The following AGAP1 variants were observed in gnomAD, a reference collection of about 807,000 sequenced individuals.
The protein encoded by AGAP1 is arf-GAP with GTPase, ANK repeat and PH domain-containing protein 1.
In AGAP1, 29 loss-of-function variants were observed where a neutral mutation model predicts 105.3. The observed-to-expected ratio is 0.28, with a 90% CI of 0.21 to 0.38. AGAP1 has a LOEUF of 0.38. Among genes scored for constraint, AGAP1 ranks in the 10% least tolerant of loss-of-function variants. AGAP1 has a pLI of 1.00. For synonymous variants in AGAP1, 509 were observed against 485.9 expected (o/e 1.05, Z -0.63); for missense variants, 998 against 1,165.1 (o/e 0.86, Z 2.09).
At chr2:235,528,925 C>T (rs1942948720) in intron 1 of AGAP1, among the ~76,000 whole-genome samples, 1 of 152,180 alleles carries the variant, frequency 6.6e-6, no homozygotes, top group South Asian at 2.1e-4. Flanking sequence ...ATCAGCTCAC[C>T]TCGGCTTCCC....
In AGAP1 at chr2:235,663,831, A is replaced by G. The variant is rs554076320; in HGVS notation, c.164-45348A>G. On this transcript the variant is annotated intron_variant, in intron 1 of 17. Coordinates refer to ENST00000304032, the MANE Select transcript of AGAP1 (RefSeq NM_001037131.3). This position sits in a 1 kb window ranked among gnomAD's most constrained non-coding sequence, Gnocchi z 5.4. ...CCATCGTACAGATGGCGATATTAGA[A>G]GAGTTCCCTCCCGTGAATCCTGTAG... Among the ~76,000 whole-genome samples, 1 of 152,338 alleles carries G rather than the reference A, an allele frequency of 6.6e-6. No individual in the cohort carries two copies. The highest frequency in any genetic ancestry group is 1.5e-5 in the Non-Finnish European group (1 of 68,040).
At chr2:235,499,916 G>A (rs1277952391) in intron 1 of AGAP1, among the ~76,000 whole-genome samples, 1 of 152,098 alleles carries the variant, frequency 6.6e-6, no homozygotes, top group East Asian at 1.9e-4. Context: ...CTTGCCAGAG[G>A]GTCCTTTCCA....
At chr2:235,628,745 A>G (rs1946724281) in intron 1 of AGAP1, among the ~76,000 whole-genome samples, 2 of 151,842 alleles carry the variant, frequency 1.3e-5, no homozygotes, top group Admixed American at 6.6e-5. Flanking sequence ...ACTGCACCCT[A>G]TTTGTAGTCT....
At chr2:236,088,569 G>C (rs2058985894) in intron 16 of AGAP1, among the ~76,000 whole-genome samples, 1 of 152,344 alleles carries the variant, frequency 6.6e-6, no homozygotes, top group East Asian at 1.9e-4. Context: ...TGACTCACAG[G>C]CTCCAGGCAG....
rs920030019 is a variant in AGAP1 at position 235,734,407 on chromosome 2, C to T, written c.311-6556C>T. 4.6e-5 allele frequency among the ~76,000 whole-genome samples: 7 copies of T among 152,056 alleles called. No homozygotes were observed. The highest frequency in any genetic ancestry group is 7.4e-5 in the Non-Finnish European group (5 of 68,018). On this transcript the variant is annotated intron_variant, in intron 3 of 17. Transcript: ENST00000304032. The surrounding 1 kb of genome is among the most constrained non-coding windows in gnomAD (Gnocchi z 5.3). Reference sequence around the variant, plus strand: ...TGCTGAAAGAACCGGGGTGGCCCCACTGCATCTTGATCAGACACTGCCATG... The same window carrying T: ...TGCTGAAAGAACCGGGGTGGCCCCATTGCATCTTGATCAGACACTGCCATG...
chr2:235,831,751 G>T (rs1959438519), intron 9 of AGAP1, among the ~76,000 whole-genome samples: 1 of 152,168 alleles, frequency 6.6e-6, no homozygotes, highest in African/African-American at 2.4e-5. Flanking sequence ...TTGCAATTAT[G>T]ATTAATGCTG....
chr2:235,852,402 G>A (rs145287104), intron 9 of AGAP1, among the ~76,000 whole-genome samples: 9 of 151,882 alleles, frequency 5.9e-5, no homozygotes, highest in Admixed American at 1.3e-4. Context: ...GGGTGGAAAG[G>A]GGGGGGAACC....
chr2:236,098,713 CT>C (rs769652071), intron 16 of AGAP1, among the ~76,000 whole-genome samples: 40 of 147,568 alleles, frequency 2.7e-4, no homozygotes, highest in Middle Eastern at 3.5e-3. Flanking sequence ...CCGCTTCCCG[CT>C]GCTGGGCTCA....
rs1167868467 is a variant in AGAP1 at position 236,061,691 on chromosome 2, C to T, written c.2114+12410C>T. Among the ~76,000 whole-genome samples, 2 of 151,968 alleles carry T rather than the reference C, an allele frequency of 1.3e-5. No homozygotes were observed. Among genetic ancestry groups the T allele is most frequent in the Admixed American group, 6.6e-5 (1 of 15,252 alleles). On this transcript the variant is annotated intron_variant, in intron 16 of 17. Coordinates refer to ENST00000304032, the MANE Select transcript of AGAP1 (RefSeq NM_001037131.3). The surrounding 1 kb of genome is among the most constrained non-coding windows in gnomAD (Gnocchi z 4.1). ...AAAGTAGATTCCTGCTTGCCAGGTG[C>T]AGGGGAGGGAGGGGCAGTGGCGTAT...
chr2:235,969,676 C>T (rs1281281131), intron 13 of AGAP1, among the ~76,000 whole-genome samples: 2 of 152,182 alleles, frequency 1.3e-5, no homozygotes, highest in African/African-American at 2.4e-5. Context: ...GAGCGGAGCA[C>T]GCAAACCCAC....
intron 6 of AGAP1, among the ~76,000 whole-genome samples, chr2:235,760,360 C>G (rs1183605462): frequency 1.3e-5 from 2 of 152,216 alleles, no homozygotes; most frequent in South Asian, 4.1e-4. Context: ...GCCTGGGCGA[C>G]AGAGCGAGAC....
chr2:236,065,324 G>A (rs947966915), intron 16 of AGAP1, among the ~76,000 whole-genome samples: 6 of 152,106 alleles, frequency 3.9e-5, no homozygotes, highest in African/African-American at 7.2e-5. Flanking sequence ...TCAGCTCCTC[G>A]GGCCCCTATT....
In AGAP1 at chr2:236,061,613, C is replaced by T. The variant is rs190736010; in HGVS notation, c.2114+12332C>T. 4.3e-4 allele frequency among the ~76,000 whole-genome samples: 65 copies of T among 152,188 alleles called. No homozygotes were observed. Among genetic ancestry groups the T allele is most frequent in the Admixed American group, 1.9e-3 (29 of 15,282 alleles). ...AGGAAGCAGGCACAGAAGGCCACACCGTGTACCATTCCATCTGTCTGATGG... is the reference window on the plus strand; with the variant it reads ...AGGAAGCAGGCACAGAAGGCCACACTGTGTACCATTCCATCTGTCTGATGG... On this transcript the variant is annotated intron_variant, in intron 16 of 17. Coordinates refer to ENST00000304032, the MANE Select transcript of AGAP1 (RefSeq NM_001037131.3). This position sits in a 1 kb window ranked among gnomAD's most constrained non-coding sequence, Gnocchi z 4.1.
rs988751226 is a variant in AGAP1, at chr2:236,101,749, G to A, written c.2115-18443G>A. 5.3e-5 allele frequency among the ~76,000 whole-genome samples: 8 copies of A among 152,332 alleles called. No individual in the cohort carries two copies. The East Asian group carries it at 1.2e-3, about 22-fold the overall frequency. On this transcript the variant is annotated intron_variant, in intron 16 of 17. Coordinates refer to ENST00000304032, the MANE Select transcript of AGAP1 (RefSeq NM_001037131.3). The surrounding 1 kb of genome is among the most constrained non-coding windows in gnomAD (Gnocchi z 4.9). ...TGATGGCGGCTGCACCAGCAGAGCC[G>A]CCGTGGGCTTCATGCCACGTTACGC...
At chr2:235,505,629 A>G (rs1941767330) in intron 1 of AGAP1, 1 of 152,086 alleles carries the variant, frequency 6.6e-6, no homozygotes, top group Non-Finnish European at 1.5e-5. Flanking sequence ...GGAGCCACTG[A>G]TACAGGTAGA....
At position 236,028,688 on chromosome 2, in the gene AGAP1, C is replaced by T. The variant is rs138034542; in HGVS notation, c.1646-7873C>T. Among the ~76,000 whole-genome samples the T allele has an allele frequency of 3.9e-4, 60 of 152,230 alleles. 2 individuals are homozygous for T. The East Asian group carries it at 0.011, about 28-fold the overall frequency. ...GTCTTTATCTTCCTTTCCAATCTCT[C>T]GGTCTTTCATTCCCTTATTTTTGAC... On this transcript the variant is annotated intron_variant, in intron 13 of 17. Coordinates refer to ENST00000304032, the MANE Select transcript of AGAP1 (RefSeq NM_001037131.3).
intron 9 of AGAP1, among the ~76,000 whole-genome samples, chr2:235,838,370 T>G (rs76809054): frequency 0.023 from 3,504 of 152,306 alleles, 120 homozygotes; most frequent in African/African-American, 0.08. Flanking sequence ...AAAGTATGTG[T>G]ATATACAGTT....
chr2:236,048,404 C>G (rs1427977122), intron 15 of AGAP1, among the ~76,000 whole-genome samples: 1 of 152,246 alleles, frequency 6.6e-6, no homozygotes, highest in African/African-American at 2.4e-5. Context: ...TTCTGCAAGT[C>G]AGCGTTGGTT....
chr2:236,052,420 G>A (rs2057928690), intron 16 of AGAP1, among the ~76,000 whole-genome samples: 1 of 152,130 alleles, frequency 6.6e-6, no homozygotes, highest in South Asian at 2.1e-4. Context: ...ACCTATTCGT[G>A]CGGCCAGTTA....
Sources: allele counts gnomAD v4.1 joint callset (sites outside exome capture counted in the v4.1 genomes callset), GRCh38; gene constraint gnomAD v4.1.1; non-coding constraint Gnocchi (gnomAD v3.1); transcripts MANE v1.5; gene names NCBI Gene and HGNC (gene_info 2026-07-23, HGNC 2026-07-21).